The following CA10 variants were observed in gnomAD, a reference collection of about 807,000 sequenced individuals.
CA10 encodes the protein carbonic anhydrase 10 (inactive).
In CA10, 14 loss-of-function variants were observed where a neutral mutation model predicts 44.2. That is an observed-to-expected ratio of 0.32 (90% CI 0.21 to 0.50). CA10 has a LOEUF of 0.50. Among genes scored for constraint, CA10 ranks in the 20% least tolerant of loss-of-function variants. The probability of loss-of-function intolerance (pLI) is 0.99; values close to 1 mark genes in which losing one functional copy is unlikely to be tolerated. For synonymous variants in CA10, 159 were observed against 141.6 expected (o/e 1.12, Z -0.87); for missense variants, 350 against 409.7 (o/e 0.85, Z 1.26).
intron 2 of CA10, among the ~76,000 whole-genome samples, chr17:52,009,224 T>C (rs896105330): frequency 6.6e-6 from 1 of 151,986 alleles, no homozygotes; most frequent in African/African-American, 2.4e-5. Flanking sequence ...TGCCACTTAT[T>C]GTTTTCTATA....
chr17:51,818,585 C>A (rs555951840), intron 3 of CA10, among the ~76,000 whole-genome samples: 14 of 152,260 alleles, frequency 9.2e-5, no homozygotes, highest in South Asian at 4.1e-4. Context: ...CCTGTGTTCT[C>A]CACACTACTT....
chr17:51,872,294 C>T (rs1170654953), intron 3 of CA10, among the ~76,000 whole-genome samples: 1 of 152,160 alleles, frequency 6.6e-6, no homozygotes, highest in Non-Finnish European at 1.5e-5. Context: ...CTTTATTACT[C>T]ACCTACCTGT....
intron 1 of CA10, among the ~76,000 whole-genome samples, chr17:52,096,944 C>G (rs1050941840): frequency 6.6e-6 from 1 of 152,140 alleles, no homozygotes; most frequent in Non-Finnish European, 1.5e-5. Context: ...TGCAATGATA[C>G]AATTCATTCA....
chr17:51,744,075 T>C lies in CA10; in HGVS notation c.465+3558A>G, dbSNP rs558139365. Reference sequence around the variant, plus strand: ...TGGCTCACGCCTGTAATCTCAGCACTTCGGGAGGCCGAGGTGGGCAGATCA... The same window carrying C: ...TGGCTCACGCCTGTAATCTCAGCACCTCGGGAGGCCGAGGTGGGCAGATCA... On this transcript the variant is annotated intron_variant, in intron 4 of 8. Coordinates refer to ENST00000451037, the MANE Select transcript of CA10 (RefSeq NM_020178.5). 2.0e-5 allele frequency among the ~76,000 whole-genome samples: 3 copies of C among 152,282 alleles called. No individual in the cohort carries two copies. The South Asian group carries it at 6.2e-4, about 32-fold the overall frequency.
intron 1 of CA10, among the ~76,000 whole-genome samples, chr17:52,123,152 G>A (rs1198735250): frequency 6.6e-6 from 1 of 152,004 alleles, no homozygotes; most frequent in African/African-American, 2.4e-5. Context: ...CTTCATCAAG[G>A]ATGCCACAAT....
chr17:51,982,667 A>G (rs549833824), intron 2 of CA10, among the ~76,000 whole-genome samples: 2 of 151,974 alleles, frequency 1.3e-5, no homozygotes, highest in East Asian at 3.9e-4. Flanking sequence ...TGATGGTTAA[A>G]GCCCTACTCT....
intron 3 of CA10, among the ~76,000 whole-genome samples, chr17:51,810,531 G>A (rs1907319138): frequency 6.6e-6 from 1 of 152,146 alleles, no homozygotes; most frequent in Non-Finnish European, 1.5e-5. Context: ...GGCAGACAAT[G>A]GTGGTGAAAC....
At chr17:52,131,576 A>G (rs1989240334) in intron 1 of CA10, among the ~76,000 whole-genome samples, 1 of 152,236 alleles carries the variant, frequency 6.6e-6, no homozygotes, top group African/African-American at 2.4e-5. Context: ...AAAGAAGTCC[A>G]GGTGGAGTTT....
intron 3 of CA10, among the ~76,000 whole-genome samples, chr17:51,893,023 T>C (rs1398609416): frequency 6.6e-6 from 1 of 152,186 alleles, no homozygotes; most frequent in East Asian, 1.9e-4. Flanking sequence ...AAGCACTTGG[T>C]ACCTACTTTA....
chr17:51,697,941 C>A (rs188346219), intron 4 of CA10, among the ~76,000 whole-genome samples: 1 of 152,320 alleles, frequency 6.6e-6, no homozygotes, highest in East Asian at 1.9e-4. Flanking sequence ...TCCTTTTTGA[C>A]TACTACCCTG....
In CA10 at chr17:51,660,874, T is replaced by A. The variant is rs575462169; in HGVS notation, c.466-7138A>T. Among the ~76,000 whole-genome samples, 27 of 152,240 alleles carry A rather than the reference T, an allele frequency of 1.8e-4. No individual in the cohort carries two copies. The South Asian group carries it at 5.4e-3, about 30-fold the overall frequency. ...CTTTCTTTCAGCCTCCCTTATATAC[T>A]GGGCTTCCTCCTTTCCTAGAACACA... On this transcript the variant is annotated intron_variant, in intron 4 of 8. Transcript: ENST00000451037.
At chr17:51,782,391 C>G (rs534835578) in intron 3 of CA10, among the ~76,000 whole-genome samples, 1 of 152,344 alleles carries the variant, frequency 6.6e-6, no homozygotes, top group East Asian at 1.9e-4. Context: ...TCAGTGAGGT[C>G]TCTTTGCAGA....
rs1039771760 is a variant in CA10 at position 52,043,506 on chromosome 17, G to A, written c.136+28813C>T. On this transcript the variant is annotated intron_variant, in intron 2 of 8. Coordinates refer to ENST00000451037, the MANE Select transcript of CA10 (RefSeq NM_020178.5). The stretch of plus-strand genomic sequence containing the variant: ...TATAAATAAGATTATGTCATCTGCA[G>A]AGAGAGACCATTTAGCTTCTTCCTT... Among the ~76,000 whole-genome samples the A allele has an allele frequency of 2.0e-5, 3 of 152,002 alleles. No homozygotes were observed. In the South Asian group the frequency reaches 6.2e-4, roughly 32 times the overall value.
intron 3 of CA10, among the ~76,000 whole-genome samples, chr17:51,871,255 G>T (rs530380391): frequency 1.3e-5 from 2 of 150,566 alleles, no homozygotes; most frequent in East Asian, 3.9e-4. Flanking sequence ...ATTTAAGATG[G>T]AGTTTCGCTC....
Position 51,639,690 on chromosome 17 carries a change from T to C in CA10, c.635-3681A>G, listed in dbSNP as rs563219296. On this transcript the variant is annotated intron_variant, in intron 6 of 8. Transcript: ENST00000451037. Reference sequence around the variant, plus strand: ...CTTCTGCAAATCTTGTTAATACTTATACTCTACCTTTTGCCCTTTTTATAT... The same window carrying C: ...CTTCTGCAAATCTTGTTAATACTTACACTCTACCTTTTGCCCTTTTTATAT... 2.6e-5 allele frequency among the ~76,000 whole-genome samples: 4 copies of C among 152,316 alleles called. No individual in the cohort carries two copies. The South Asian group carries it at 6.2e-4, about 24-fold the overall frequency.
At position 51,879,592 on chromosome 17, in the gene CA10, A is replaced by G. The variant is rs146582501; in HGVS notation, c.279+51398T>C. 7.9e-4 allele frequency among the ~76,000 whole-genome samples: 121 copies of G among 152,342 alleles called. 2 individuals carry two copies. In the East Asian group the frequency reaches 0.023, roughly 29 times the overall value. ...CTCTAGAAAACAGGAGTAGATAGAA[A>G]CGTTGAGAAACTTCTGAATGATAAA... On this transcript the variant is annotated intron_variant, in intron 3 of 8. Transcript: ENST00000451037.
intron 4 of CA10, among the ~76,000 whole-genome samples, chr17:51,722,086 T>A (rs897613800): frequency 1.3e-5 from 2 of 152,278 alleles, no homozygotes; most frequent in Non-Finnish European, 1.5e-5. Context: ...GATCTGATGT[T>A]AACTTTAGGT....
At chr17:51,761,398 C>T (rs1400294343) in intron 3 of CA10, 1 of 152,158 alleles carries the variant, frequency 6.6e-6, no homozygotes, top group Non-Finnish European at 1.5e-5. Flanking sequence ...ACTAGGAATA[C>T]ATAATGTGTC....
intron 1 of CA10, among the ~76,000 whole-genome samples, chr17:52,118,413 T>C (rs1305566573): frequency 6.6e-6 from 1 of 152,192 alleles, no homozygotes; most frequent in African/African-American, 2.4e-5. Flanking sequence ...GCAAAATAAA[T>C]AACTTATGGT....
Sources: allele counts gnomAD v4.1 joint callset (sites outside exome capture counted in the v4.1 genomes callset), GRCh38; gene constraint gnomAD v4.1.1; transcripts MANE v1.5; gene names NCBI Gene and HGNC (gene_info 2026-07-23, HGNC 2026-07-21).